Variants in CSF2RA observed in about 807,000 individuals in gnomAD.
CSF2RA encodes the protein colony stimulating factor 2 receptor subunit alpha.
In CSF2RA, 42 loss-of-function variants were observed where a neutral mutation model predicts 51.6. The observed-to-expected ratio is 0.81, with a 90% CI of 0.64 to 1.05. The LOEUF (loss-of-function observed/expected upper bound fraction) is 1.05. Among genes scored for constraint, CSF2RA ranks in the 50% least tolerant of loss-of-function variants. CSF2RA has a pLI of 0.00. For synonymous variants in CSF2RA, 222 were observed against 193.0 expected (o/e 1.15, Z -1.24); for missense variants, 530 against 501.1 (o/e 1.06, Z -0.55).
chrX:1,277,774 C>G (rs1336156323), intron 2 of CSF2RA, among the ~76,000 whole-genome samples: 1 of 146,772 alleles, frequency 6.8e-6, no homozygotes, highest in African/African-American at 2.5e-5. Flanking sequence ...GTCAGGAGTT[C>G]GAGACCAGCC....
chrX:1,270,993 G>A (rs1283741594), intron 1 of CSF2RA, among the ~76,000 whole-genome samples: 1 of 151,196 alleles, frequency 6.6e-6, no homozygotes, highest in East Asian at 1.9e-4. Flanking sequence ...CCAGCCCGGG[G>A]CAACATCGTA....
the CSF2RA span, among the ~76,000 whole-genome samples, chrX:1,323,760 A>G: frequency 5.3e-5 from 8 of 151,962 alleles, no homozygotes; most frequent in Non-Finnish European, 1.2e-4. Flanking sequence ...CACGCCTGTA[A>G]TCCCAGCACT....
At chrX:1,315,410 A>G in the CSF2RA span, among the ~76,000 whole-genome samples, 2 of 151,920 alleles carry the variant, frequency 1.3e-5, no homozygotes, top group African/African-American at 4.8e-5. Flanking sequence ...ATTTTATTTT[A>G]TTTTGTTTTA....
At chrX:1,308,057 A>G (rs760312034) in intron 12 of CSF2RA, among the ~76,000 whole-genome samples, 3 of 151,664 alleles carry the variant, frequency 2.0e-5, no homozygotes, top group South Asian at 2.1e-4. Context: ...CCTTCAACTG[A>G]TTAGATGAGG....
At position 1,305,433 on chromosome X, in the gene CSF2RA, C is replaced by T. The variant is rs1376739928; in HGVS notation, c.1044-13C>T. 1 of 1,613,548 alleles carries T rather than the reference C, an allele frequency of 6.2e-7. No individual in the cohort carries two copies. The highest frequency in any genetic ancestry group is 8.5e-7 in the Non-Finnish European group (1 of 1,179,562). On this transcript the variant is annotated splice_polypyrimidine_tract_variant and intron_variant, in intron 11 of 12. Coordinates refer to ENST00000381529, the MANE Select transcript of CSF2RA (RefSeq NM_172245.4). ...GGGGTTCATTCTCTTCACACTTTTT[C>T]TCTGTGTCTCAGGTTCCTTAGGATA...
chrX:1,282,616 C>A, intron 2 of CSF2RA, 62 bp from the exon 3 acceptor site: 1 of 1,221,374 alleles, frequency 8.2e-7, no homozygotes, highest in Non-Finnish European at 1.2e-6. Context: ...CCCTGGGGTC[C>A]CCTGCCAGGA....
rs1439918648 is a variant in CSF2RA at position 1,281,334 on chromosome X, C to T, written c.-26-1344C>T. On this transcript the variant is annotated intron_variant, in intron 2 of 12. Coordinates refer to ENST00000381529, the MANE Select transcript of CSF2RA (RefSeq NM_172245.4). ...CCTTCTCCTCCTCCTCCTTCTCCTC[C>T]TCCTCCTTCTCCTCTTCCTCCTTCT... 3.3e-3 allele frequency among the ~76,000 whole-genome samples: 452 copies of T among 135,688 alleles called. No homozygotes were observed. The East Asian group carries it at 0.061, about 18-fold the overall frequency. 89.0% of individuals were successfully genotyped at this position (135,688 alleles called of 152,430 possible).
chrX:1,305,636 G>T lies in CSF2RA; in HGVS notation c.1125+109G>T, dbSNP rs756499032. On this transcript the variant is annotated intron_variant, in intron 12 of 12. Transcript: ENST00000381529. ...TCTTGCTTCTCCACCAGATGGGACCGCAGCGTCACCACCGGTGTGGCTGGA... is the reference window on the plus strand; with the variant it reads ...TCTTGCTTCTCCACCAGATGGGACCTCAGCGTCACCACCGGTGTGGCTGGA... 2.5e-6 allele frequency: 4 copies of T among 1,612,250 alleles called. No individual in the cohort carries two copies. The Admixed American group carries it at 5.0e-5, about 20-fold the overall frequency.
the CSF2RA span, among the ~76,000 whole-genome samples, chrX:1,315,545 A>C: frequency 1.3e-5 from 2 of 152,042 alleles, no homozygotes; most frequent in Non-Finnish European, 2.9e-5. Flanking sequence ...CTGAGATTAC[A>C]CGTGTGCACC....
chrX:1,305,334 C>T, intron 11 of CSF2RA, 112 bp from the exon 12 acceptor site: 1 of 1,208,498 alleles, frequency 8.3e-7, no homozygotes, highest in Non-Finnish European at 1.2e-6. Flanking sequence ...TGAAGTTTTG[C>T]ATAGTTGAGC....
chrX:1,315,152 G>C (rs537228896), downstream of CSF2RA, among the ~76,000 whole-genome samples: 2 of 152,268 alleles, frequency 1.3e-5, no homozygotes, highest in South Asian at 2.1e-4. Context: ...ACCTGCGTGA[G>C]ATCAGGGTTG....
chrX:1,302,050 G>A (rs2083027564), intron 10 of CSF2RA, among the ~76,000 whole-genome samples: 1 of 151,430 alleles, frequency 6.6e-6, no homozygotes, highest in South Asian at 2.1e-4. Flanking sequence ...CCGAGTAGCT[G>A]GGATTACAGG....
chrX:1,284,201 T>TCC (rs2090372738), intron 3 of CSF2RA, among the ~76,000 whole-genome samples: 1 of 126,470 alleles, frequency 7.9e-6, no homozygotes, highest in Non-Finnish European at 1.7e-5. Flanking sequence ...CTCTCTTTTT[T>TCC]TTTTTTTTTT....
At chrX:1,295,987 CCGGAG>C (rs2091910461) in intron 9 of CSF2RA, among the ~76,000 whole-genome samples, 1 of 150,298 alleles carries the variant, frequency 6.7e-6, no homozygotes, top group African/African-American at 2.4e-5. Context: ...CTCACGACCC[CCGGAG>C]TAATCCTACA....
chrX:1,301,496 C>T (rs2082917351), intron 10 of CSF2RA, among the ~76,000 whole-genome samples: 4 of 151,938 alleles, frequency 2.6e-5, no homozygotes, highest in African/African-American at 9.7e-5. Flanking sequence ...AGTCCCACCT[C>T]CCTCTGCTCC....
At chrX:1,269,418 C>T (rs1256344667) in intron 1 of CSF2RA, among the ~76,000 whole-genome samples, 1 of 151,380 alleles carries the variant, frequency 6.6e-6, no homozygotes, top group Non-Finnish European at 1.5e-5. Flanking sequence ...GTCGACAGTT[C>T]GAGACCATCC....
intron 10 of CSF2RA, chrX:1,303,136 C>T (rs759820776): frequency 7.9e-4 from 206 of 260,168 alleles, no homozygotes; most frequent in African/African-American, 4.1e-3. Context: ...TGGCTCACTG[C>T]AACCTCCGTC....
chrX:1,291,577 TC>T (rs2091403709), intron 7 of CSF2RA, among the ~76,000 whole-genome samples: 1 of 152,028 alleles, frequency 6.6e-6, no homozygotes, highest in South Asian at 2.1e-4. Context: ...GACTCCTTCA[TC>T]CCGTTGGACG....
Position 1,290,222 on chromosome X carries a change from GT to G in CSF2RA, c.474-110del, listed in dbSNP as rs1203104975. On this transcript the variant is annotated intron_variant, in intron 6 of 12. Coordinates refer to ENST00000381529, the MANE Select transcript of CSF2RA (RefSeq NM_172245.4). ...TTTTTGTTTTGTGTTTTTGTTTTGTGTTTTTGTGTTTTGTGTTTTTGTGTTT... is the reference window on the plus strand; with the variant it reads ...TTTTTGTTTTGTGTTTTTGTTTTGTGTTTTGTGTTTTGTGTTTTTGTGTTT... The G allele has an allele frequency of 5.0e-6, 4 of 802,826 alleles. No individual in the cohort carries two copies. The Admixed American group carries it at 1.1e-4, about 23-fold the overall frequency. The allele number at this position is 802,826 out of a possible 1,614,324, so 49.7% of individuals were successfully genotyped here.
Sources: gnomAD v4.1 joint callset for allele counts (sites outside exome capture counted in the v4.1 genomes callset) on GRCh38, gnomAD v4.1.1 for gene constraint, MANE v1.5 for transcripts, NCBI Gene and HGNC (gene_info 2026-07-23, HGNC 2026-07-21) for gene names.